The following MAGI2 variants were observed in gnomAD, a reference collection of about 807,000 sequenced individuals.
MAGI2 encodes membrane-associated guanylate kinase, WW and PDZ domain-containing protein 2.
MAGI2 carries 35 observed loss-of-function variants against 133.3 expected under a neutral mutation model. The ratio of observed to expected loss-of-function variants is 0.26; its 90% CI spans 0.20 to 0.35. The LOEUF is 0.35. Ranked by LOEUF, MAGI2 falls within the 10% of genes least tolerant of loss-of-function variation. The pLI, the probability that MAGI2 is intolerant of heterozygous loss-of-function variation, is 1.00. For synonymous variants in MAGI2, 729 were observed against 710.6 expected (o/e 1.03, Z -0.41); for missense variants, 1,636 against 1,863.4 (o/e 0.88, Z 2.25).
At chr7:78,978,480 G>T (rs1562743259) in intron 2 of MAGI2, among the ~76,000 whole-genome samples, 1 of 151,806 alleles carries the variant, frequency 6.6e-6, no homozygotes, top group Admixed American at 6.6e-5. Flanking sequence ...CAGATGAGGG[G>T]TTCAGGAAGA....
intron 3 of MAGI2, among the ~76,000 whole-genome samples, chr7:78,536,504 G>A (rs2150648585): frequency 6.6e-6 from 1 of 152,174 alleles, no homozygotes; most frequent in African/African-American, 2.4e-5. Context: ...TTACAGCTTG[G>A]GCTAGTGGAA....
At chr7:79,135,972 A>AC in intron 1 of MAGI2, among the ~76,000 whole-genome samples, 1 of 31,406 alleles carries the variant, frequency 3.2e-5, no homozygotes, top group African/African-American at 5.4e-5. Context: ...AGAAAGAAAG[A>AC]AAGAAAGAAA....
At chr7:79,331,988 T>C (rs1308519266) in intron 1 of MAGI2, among the ~76,000 whole-genome samples, 1 of 152,010 alleles carries the variant, frequency 6.6e-6, no homozygotes. Context: ...TCTTTGGAAA[T>C]TGGTCATCTA....
chr7:79,144,583 C>T (rs1193137260), intron 1 of MAGI2, among the ~76,000 whole-genome samples: 1 of 152,134 alleles, frequency 6.6e-6, no homozygotes, highest in Non-Finnish European at 1.5e-5. Flanking sequence ...ATAAATTACC[C>T]AGTTTCAGCT....
intron 1 of MAGI2, among the ~76,000 whole-genome samples, chr7:79,445,803 A>G (rs1586012588): frequency 6.6e-6 from 1 of 152,344 alleles, no homozygotes; most frequent in Middle Eastern, 3.4e-3. Flanking sequence ...TGGCCCAGCC[A>G]TCCAATTACT....
At chr7:78,460,930 G>C (rs773531425) in intron 6 of MAGI2, among the ~76,000 whole-genome samples, 1 of 144,934 alleles carries the variant, frequency 6.9e-6, no homozygotes, top group Non-Finnish European at 1.5e-5. Flanking sequence ...GAGTCAATAA[G>C]GATCTGGTAA....
At chr7:78,258,464 A>C (rs1021808687) in intron 9 of MAGI2, among the ~76,000 whole-genome samples, 1 of 152,164 alleles carries the variant, frequency 6.6e-6, no homozygotes, top group Non-Finnish European at 1.5e-5. Flanking sequence ...AACATTGCTC[A>C]TATTAGTTGA....
chr7:79,136,017 GAA>G (rs1227425650), intron 1 of MAGI2, among the ~76,000 whole-genome samples: 26 of 108,692 alleles, frequency 2.4e-4, no homozygotes, highest in Admixed American at 2.9e-4. Flanking sequence ...AAGAAAGAAA[GAA>G]AGAAAGAAGG....
intron 21 of MAGI2, 196 bp downstream of exon 21, chr7:78,078,751 A>T (rs1160544737): frequency 4.7e-6 from 3 of 637,554 alleles, no homozygotes; most frequent in Admixed American, 6.2e-5. Flanking sequence ...GTTCACACAC[A>T]TTTATTTCCT....
At chr7:78,090,312 A>G (rs1038687164) in intron 20 of MAGI2, among the ~76,000 whole-genome samples, 4 of 152,180 alleles carry the variant, frequency 2.6e-5, no homozygotes, top group African/African-American at 9.7e-5. Flanking sequence ...ACTCAATTAT[A>G]AACTCTTGGA....
chr7:78,359,127 C>G (rs1336819588), intron 7 of MAGI2: 1 of 152,176 alleles, frequency 6.6e-6, no homozygotes, highest in African/African-American at 2.4e-5. Context: ...TGTCTATGAC[C>G]TACTTGTTCA....
chr7:79,315,303 C>A (rs1410709803), intron 1 of MAGI2, among the ~76,000 whole-genome samples: 5 of 150,092 alleles, frequency 3.3e-5, no homozygotes, highest in Non-Finnish European at 7.4e-5. Flanking sequence ...GGATTACAGG[C>A]ATGTGCAACC....
chr7:79,185,228 C>G (rs1238053266), intron 1 of MAGI2, among the ~76,000 whole-genome samples: 1 of 151,748 alleles, frequency 6.6e-6, no homozygotes, highest in Non-Finnish European at 1.5e-5. Flanking sequence ...AAAAATAATC[C>G]AAACTCCATT....
At chr7:78,895,071 A>C (rs1334812488) in intron 2 of MAGI2, among the ~76,000 whole-genome samples, 1 of 152,198 alleles carries the variant, frequency 6.6e-6, no homozygotes, top group Admixed American at 6.5e-5. Context: ...GGACTAGTCC[A>C]TTCATGGCTT....
intron 1 of MAGI2, among the ~76,000 whole-genome samples, chr7:79,096,798 C>T (rs994729440): frequency 6.6e-5 from 10 of 152,164 alleles, no homozygotes; most frequent in African/African-American, 1.2e-4. Flanking sequence ...CCTCCAGAGT[C>T]CCAAGTTTAC....
At chr7:78,424,971 T>G (rs567306435) in intron 6 of MAGI2, among the ~76,000 whole-genome samples, 2 of 152,262 alleles carry the variant, frequency 1.3e-5, no homozygotes, top group South Asian at 4.2e-4. Context: ...GTTAAGACTT[T>G]AGGGGACTGT....
chr7:79,216,192 G>A (rs1012527363), intron 1 of MAGI2, among the ~76,000 whole-genome samples: 5 of 152,078 alleles, frequency 3.3e-5, no homozygotes, highest in Non-Finnish European at 4.4e-5. Flanking sequence ...TGAATGTTGA[G>A]AGGAGTTTGG....
At chr7:78,681,356 G>A in intron 2 of MAGI2, among the ~76,000 whole-genome samples, 1 of 152,126 alleles carries the variant, frequency 6.6e-6, no homozygotes, top group East Asian at 1.9e-4. Context: ...TTCCTGGTCT[G>A]TTATAAGCCA....
intron 1 of MAGI2, among the ~76,000 whole-genome samples, chr7:79,364,191 CA>C (rs910610164): frequency 6.6e-6 from 1 of 151,958 alleles, no homozygotes; most frequent in Non-Finnish European, 1.5e-5. Context: ...TTGCTTTTCT[CA>C]AAAAACTAAA....
Sources: gnomAD v4.1 joint callset for allele counts (sites outside exome capture counted in the v4.1 genomes callset) on GRCh38, gnomAD v4.1.1 for gene constraint, MANE v1.5 for transcripts, NCBI Gene and HGNC (gene_info 2026-07-23, HGNC 2026-07-21) for gene names.